HOXC13: variants seen among roughly 807,000 people sequenced by gnomAD.
HOXC13 encodes the protein homeobox C13.
HOXC13 carries 10 observed loss-of-function variants against 25.9 expected under a neutral mutation model. The observed-to-expected ratio is 0.39, with a 90% CI of 0.24 to 0.65. HOXC13 has a LOEUF of 0.65. Among genes scored for constraint, HOXC13 ranks in the 30% least tolerant of loss-of-function variants. The probability of loss-of-function intolerance (pLI) is 0.50; values close to 1 mark genes in which losing one functional copy is unlikely to be tolerated. For missense variants in HOXC13, 439 were observed against 478.3 expected (o/e 0.92, Z 0.77); for synonymous variants, 233 against 217.1 (o/e 1.07, Z -0.64).
In HOXC13 at chr12:53,939,180, G is replaced by A; in HGVS notation, c.274G>A (p.Val92Ile). The A allele has an allele frequency of 6.6e-7, 1 of 1,516,502 alleles. No individual in the cohort carries two copies. Among genetic ancestry groups the A allele is most frequent in the Non-Finnish European group, 8.8e-7 (1 of 1,138,390 alleles). 93.9% of individuals were successfully genotyped at this position (1,516,502 alleles called of 1,614,324 possible). Reference protein sequence around the residue: ...PAPLGAPQGAVYTDIPAPEAA... With the variant: ...PAPLGAPQGAIYTDIPAPEAA... Reference sequence around the variant, plus strand: ...TCCCCTGGGCGCCCCTCAGGGCGCCGTCTATACGGACATCCCGGCCCCGGA... The same window carrying A: ...TCCCCTGGGCGCCCCTCAGGGCGCCATCTATACGGACATCCCGGCCCCGGA... The change falls in exon 1 of 2, where the codon GTC (valine) becomes ATC (isoleucine). Residue 92 changes from valine to isoleucine, a missense_variant. Physicochemically the swap from Val to Ile is conservative, Grantham distance 29. Coordinates refer to ENST00000243056, the MANE Select transcript of HOXC13 (RefSeq NM_017410.3). The surrounding 1 kb of genome is among the most constrained non-coding windows in gnomAD (Gnocchi z 6.7).
chr12:53,940,938 G>A (rs1488064110), intron 1 of HOXC13, among the ~76,000 whole-genome samples: 3 of 152,120 alleles, frequency 2.0e-5, no homozygotes, highest in African/African-American at 7.2e-5. Context: ...GGAAGAAGAG[G>A]TAGGTGGTTT....
Position 53,939,839 on chromosome 12 carries a change from T to C in HOXC13, c.736+197T>C, listed in dbSNP as rs1032835803. On this transcript the variant is annotated intron_variant, in intron 1 of 1. Coordinates refer to ENST00000243056, the MANE Select transcript of HOXC13 (RefSeq NM_017410.3). The surrounding 1 kb of genome is among the most constrained non-coding windows in gnomAD (Gnocchi z 6.7). ...TCTGCTCCGACACGTTCTCTGTAGC[T>C]GCCCGGCCGAGAATGAAGCAATCAC... Among the ~76,000 whole-genome samples, 1 of 152,212 alleles carries C rather than the reference T, an allele frequency of 6.6e-6. No homozygotes were observed. The highest frequency in any genetic ancestry group is 2.1e-4 in the South Asian group (1 of 4,828).
chr12:53,939,748 C>T lies in HOXC13; in HGVS notation c.736+106C>T, dbSNP rs568775650. 9.7e-6 allele frequency: 12 copies of T among 1,232,052 alleles called. No individual in the cohort carries two copies. The highest frequency in any genetic ancestry group is 6.8e-5 in the East Asian group (2 of 29,398). The allele number at this position is 1,232,052 out of a possible 1,614,324, so 76.3% of individuals were successfully genotyped here. On this transcript the variant is annotated intron_variant, in intron 1 of 1. Transcript: ENST00000243056. This position sits in a 1 kb window ranked among gnomAD's most constrained non-coding sequence, Gnocchi z 6.7. Reference sequence around the variant, plus strand: ...CCCCGCCGTCTGGCCCCGGCGCGCCCGCTCGGCTGGGCTGCCTATGGAGCC... The same window carrying T: ...CCCCGCCGTCTGGCCCCGGCGCGCCTGCTCGGCTGGGCTGCCTATGGAGCC...
intron 1 of HOXC13, among the ~76,000 whole-genome samples, chr12:53,940,829 G>T (rs553206849): frequency 6.6e-5 from 10 of 152,114 alleles, no homozygotes; most frequent in Non-Finnish European, 1.5e-4. Context: ...CCAGCTCCCC[G>T]ACCAGCTCCA....
In HOXC13 at chr12:53,945,514, G is replaced by C. The variant is rs529570152; in HGVS notation, c.*258G>C. 5 of 535,624 alleles carry C rather than the reference G, an allele frequency of 9.3e-6. No individual in the cohort carries two copies. In the South Asian group the frequency reaches 1.1e-4, roughly 12 times the overall value. 33.2% of individuals were successfully genotyped at this position (535,624 alleles called of 1,614,324 possible). On this transcript the variant is annotated 3_prime_UTR_variant, in exon 2 of 2. Coordinates refer to ENST00000243056, the MANE Select transcript of HOXC13 (RefSeq NM_017410.3). This position sits in a 1 kb window ranked among gnomAD's most constrained non-coding sequence, Gnocchi z 4.4. The stretch of plus-strand genomic sequence containing the variant: ...TTTGGAAATGGGTCCCGAGTGGGCC[G>C]TGCGAGGAAGGCTGTCGACCTCTAC...
Position 53,939,488 on chromosome 12 carries a change from G to T in HOXC13, c.582G>T (p.Val194=), listed in dbSNP as rs749097515. 2.5e-6 allele frequency: 4 copies of T among 1,609,768 alleles called. No individual in the cohort carries two copies. The African/African-American group carries it at 5.3e-5, about 21-fold the overall frequency. ...AMPGYLDVSV[V]PGISGHPEPR... ...CCGGCTACCTGGACGTGTCGGTGGT[G>T]CCCGGGATCAGCGGGCACCCGGAGC... The change falls in exon 1 of 2, where the codon GTG becomes GTT. Residue 194 remains valine (V), a synonymous_variant. Transcript: ENST00000243056. This position sits in a 1 kb window ranked among gnomAD's most constrained non-coding sequence, Gnocchi z 6.7.
chr12:53,939,526 C>T lies in HOXC13; in HGVS notation c.620C>T (p.Ala207Val), dbSNP rs1284746793. The T allele has an allele frequency of 4.3e-6, 7 of 1,611,998 alleles. No homozygotes were observed. Among genetic ancestry groups the T allele is most frequent in the Middle Eastern group, 1.6e-4 (1 of 6,082 alleles). The change falls in exon 1 of 2, where the codon GCC (alanine) becomes GTC (valine). Residue 207 changes from alanine (A) to valine (V), a missense_variant. Coordinates refer to ENST00000243056, the MANE Select transcript of HOXC13 (RefSeq NM_017410.3). The surrounding 1 kb of genome is among the most constrained non-coding windows in gnomAD (Gnocchi z 6.7). ...GGGCACCCGGAGCCGCGTCACGACG[C>T]CCTCATCCCCGTCGAAGGCTACCAG... ...ISGHPEPRHDALIPVEGYQHW... is the reference protein window; with the variant it reads ...ISGHPEPRHDVLIPVEGYQHW...
rs1938684512 is a variant in HOXC13, at chr12:53,945,821, C to G, written c.*565C>G. On this transcript the variant is annotated 3_prime_UTR_variant, in exon 2 of 2. Transcript: ENST00000243056. The surrounding 1 kb of genome is among the most constrained non-coding windows in gnomAD (Gnocchi z 4.4). ...TAATACTCATGATAATTATTAGGGACCTGGCAGCGTGATTGGAGTATGGAT... is the reference window on the plus strand; with the variant it reads ...TAATACTCATGATAATTATTAGGGAGCTGGCAGCGTGATTGGAGTATGGAT... 4.2e-6 allele frequency: 1 copy of G among 236,336 alleles called. No individual in the cohort carries two copies. Among genetic ancestry groups the G allele is most frequent in the African/African-American group, 2.2e-5 (1 of 45,250 alleles). The allele number at this position is 236,336 out of a possible 1,614,324, so 14.6% of individuals were successfully genotyped here.
At chr12:53,944,424 G>A (rs1266878289) in intron 1 of HOXC13, among the ~76,000 whole-genome samples, 2 of 152,144 alleles carry the variant, frequency 1.3e-5, no homozygotes, top group Non-Finnish European at 2.9e-5. Flanking sequence ...CTGACCCCCT[G>A]CCTGCCATGC....
chr12:53,939,648 G>A lies in HOXC13; in HGVS notation c.736+6G>A. 3.5e-6 allele frequency: 5 copies of A among 1,429,980 alleles called. No individual in the cohort carries two copies. Among genetic ancestry groups the A allele is most frequent in the East Asian group, 2.8e-5 (1 of 35,996 alleles). 88.6% of individuals were successfully genotyped at this position (1,429,980 alleles called of 1,614,324 possible). ...CTGGAAGTCTCCCTTCCCAGGTAAGGAAGGGACCCGAGCGCCGCCGCCGCC... is the reference window on the plus strand; with the variant it reads ...CTGGAAGTCTCCCTTCCCAGGTAAGAAAGGGACCCGAGCGCCGCCGCCGCC... On this transcript the variant is annotated splice_donor_region_variant and intron_variant, in intron 1 of 1. Coordinates refer to ENST00000243056, the MANE Select transcript of HOXC13 (RefSeq NM_017410.3). The surrounding 1 kb of genome is among the most constrained non-coding windows in gnomAD (Gnocchi z 6.7).
In HOXC13 at chr12:53,945,934, G is replaced by A. The variant is rs1938686247; in HGVS notation, c.*678G>A. The A allele has an allele frequency of 4.3e-6, 1 of 232,282 alleles. No homozygotes were observed. The highest frequency in any genetic ancestry group is 8.5e-6 in the Non-Finnish European group (1 of 117,664). 14.4% of individuals were successfully genotyped at this position (232,282 alleles called of 1,614,324 possible). On this transcript the variant is annotated 3_prime_UTR_variant, in exon 2 of 2. Coordinates refer to ENST00000243056, the MANE Select transcript of HOXC13 (RefSeq NM_017410.3). This position sits in a 1 kb window ranked among gnomAD's most constrained non-coding sequence, Gnocchi z 4.4. ...AAGAAACTGCATTTCCTGGGGCCAG[G>A]TGGGAGCTGCCTTTGCCCCACTGCC...
chr12:53,939,536 C>T lies in HOXC13; in HGVS notation c.630C>T (p.Pro210=). The change falls in exon 1 of 2, where the codon CCC becomes CCT. Residue 210 remains proline, a synonymous_variant. Transcript: ENST00000243056. This position sits in a 1 kb window ranked among gnomAD's most constrained non-coding sequence, Gnocchi z 6.7. ...AGCCGCGTCACGACGCCCTCATCCC[C>T]GTCGAAGGCTACCAGCACTGGGCTC... ...HPEPRHDALI[P]VEGYQHWALS... 1.2e-6 allele frequency: 2 copies of T among 1,612,256 alleles called. No individual in the cohort carries two copies. The highest frequency in any genetic ancestry group is 1.1e-5 in the South Asian group (1 of 91,000).
rs1938692189 is a variant in HOXC13, at chr12:53,946,285, A to G, written c.*1029A>G. ...AAGAGGCAAGAAGATCTGGCCCTCA[A>G]TTAGCTAGATGTAGATGCTGCCTAA... is the stretch of plus-strand genomic sequence containing the variant. On this transcript the variant is annotated 3_prime_UTR_variant, in exon 2 of 2. Coordinates refer to ENST00000243056, the MANE Select transcript of HOXC13 (RefSeq NM_017410.3). 2 of 226,554 alleles carry G rather than the reference A, an allele frequency of 8.8e-6. No individual in the cohort carries two copies. The highest frequency in any genetic ancestry group is 1.8e-5 in the Non-Finnish European group (2 of 113,590). The allele number at this position is 226,554 out of a possible 1,614,324, so 14.0% of individuals were successfully genotyped here. A position where few individuals can be genotyped will look rare whatever the true frequency, so the allele number is the denominator to read the frequency against.
chr12:53,939,114 C>T lies in HOXC13; in HGVS notation c.208C>T (p.Arg70Cys). The T allele has an allele frequency of 3.4e-6, 5 of 1,455,008 alleles. No homozygotes were observed. Among genetic ancestry groups the T allele is most frequent in the Non-Finnish European group, 3.6e-6 (4 of 1,115,222 alleles). 90.1% of individuals were successfully genotyped at this position (1,455,008 alleles called of 1,614,324 possible). A position where few individuals can be genotyped will look rare whatever the true frequency, so the allele number is the denominator to read the frequency against. ...LGSSCPASHC[R>C]DLLPHPVLGR... ...CAGCAGCTGCCCGGCCAGCCACTGC[C>T]GCGACCTGCTTCCGCACCCCGTGCT... Residue 70 changes from arginine (R) to cysteine (C), a missense_variant, in exon 1 of 2, where the codon CGC (arginine) becomes TGC (cysteine). Physicochemically the swap from Arg to Cys is radical, Grantham distance 180. Coordinates refer to ENST00000243056, the MANE Select transcript of HOXC13 (RefSeq NM_017410.3). This position sits in a 1 kb window ranked among gnomAD's most constrained non-coding sequence, Gnocchi z 6.7.
chr12:53,941,205 T>C (rs909677198), intron 1 of HOXC13, among the ~76,000 whole-genome samples: 3 of 152,238 alleles, frequency 2.0e-5, no homozygotes, highest in African/African-American at 7.2e-5. Flanking sequence ...AATAATAGAT[T>C]TCTAGAAAGA....
intron 1 of HOXC13, among the ~76,000 whole-genome samples, chr12:53,941,367 G>C (rs1565704189): frequency 6.6e-6 from 1 of 152,232 alleles, no homozygotes; most frequent in African/African-American, 2.4e-5. Flanking sequence ...GGGCTAAGGG[G>C]TAAGGGATCA....
In HOXC13 at chr12:53,945,005, G is replaced by T. The variant is rs909023840; in HGVS notation, c.742G>T (p.Val248Phe). 21 of 1,613,540 alleles carry T rather than the reference G, an allele frequency of 1.3e-5. No individual in the cohort carries two copies. The highest frequency in any genetic ancestry group is 1.8e-5 in the Non-Finnish European group (21 of 1,179,940). ...CTTGCCTTATCTCCCCGCAGACGTG[G>T]TTCCCCTGCAGCCCGAGGTGAGCAG... ...HLWKSPFPDVVPLQPEVSSYR... is the reference protein window; with the variant it reads ...HLWKSPFPDVFPLQPEVSSYR... Residue 248 changes from valine to phenylalanine, a missense_variant, in exon 2 of 2, where the codon GTT (valine) becomes TTT (phenylalanine). Coordinates refer to ENST00000243056, the MANE Select transcript of HOXC13 (RefSeq NM_017410.3). The surrounding 1 kb of genome is among the most constrained non-coding windows in gnomAD (Gnocchi z 4.4).
In HOXC13 at chr12:53,939,098, C is replaced by T; in HGVS notation, c.192C>T (p.Cys64=). 1.4e-6 allele frequency: 2 copies of T among 1,434,142 alleles called. No individual in the cohort carries two copies. The highest frequency in any genetic ancestry group is 1.5e-5 in the South Asian group (1 of 67,922). The allele number at this position is 1,434,142 out of a possible 1,614,324, so 88.8% of individuals were successfully genotyped here. A position where few individuals can be genotyped will look rare whatever the true frequency, so the allele number is the denominator to read the frequency against. ...GCATGGATGGTCTGGGCAGCAGCTG[C>T]CCGGCCAGCCACTGCCGCGACCTGC... The part of the protein sequence containing the change: ...APSMDGLGSS[C]PASHCRDLLP... Residue 64 remains cysteine (C), a synonymous_variant, in exon 1 of 2, where the codon TGC becomes TGT. Transcript: ENST00000243056. This position sits in a 1 kb window ranked among gnomAD's most constrained non-coding sequence, Gnocchi z 6.7.
chr12:53,939,534 C>T lies in HOXC13; in HGVS notation c.628C>T (p.Pro210Ser), dbSNP rs1203356673. 6.2e-7 allele frequency: 1 copy of T among 1,612,152 alleles called. No homozygotes were observed. The highest frequency in any genetic ancestry group is 1.3e-5 in the African/African-American group (1 of 74,936). The change falls in exon 1 of 2, where the codon CCC becomes TCC. Residue 210 changes from proline (P) to serine (S), a missense_variant. Transcript: ENST00000243056. The surrounding 1 kb of genome is among the most constrained non-coding windows in gnomAD (Gnocchi z 6.7). ...GGAGCCGCGTCACGACGCCCTCATC[C>T]CCGTCGAAGGCTACCAGCACTGGGC... The part of the protein sequence containing the change: ...HPEPRHDALI[P>S]VEGYQHWALS...
Sources: allele counts gnomAD v4.1 joint callset (sites outside exome capture counted in the v4.1 genomes callset), GRCh38; gene constraint gnomAD v4.1.1; non-coding constraint Gnocchi (gnomAD v3.1); transcripts MANE v1.5; gene names NCBI Gene and HGNC (gene_info 2026-07-23, HGNC 2026-07-21).